The following BRAF variants were observed in gnomAD, a reference collection of about 807,000 sequenced individuals.
The protein encoded by BRAF is B-Raf proto-oncogene, serine/threonine kinase, also known as serine/threonine-protein kinase B-raf.
In BRAF, 16 loss-of-function variants were observed where a neutral mutation model predicts 104.6. The ratio of observed to expected loss-of-function variants is 0.15; its 90% CI spans 0.10 to 0.23. The LOEUF is 0.23. Ranked by LOEUF, BRAF falls within the 10% of genes least tolerant of loss-of-function variation. The probability of loss-of-function intolerance (pLI) is 1.00; values close to 1 mark genes in which losing one functional copy is unlikely to be tolerated. For missense variants in BRAF, 541 were observed against 937.3 expected (o/e 0.58, Z 5.52); for synonymous variants, 310 against 341.6 (o/e 0.91, Z 1.02).
chr7:140,753,909 T>C (rs536652477), intron 15 of BRAF: 1 of 493,262 alleles, frequency 2.0e-6, no homozygotes, highest in South Asian at 2.2e-5. Flanking sequence ...TACAAAACTA[T>C]CAGTTTTATA....
At chr7:140,787,161 C>T (rs369113948) in intron 9 of BRAF, among the ~76,000 whole-genome samples, 3 of 151,712 alleles carry the variant, frequency 2.0e-5, no homozygotes, top group African/African-American at 4.8e-5. Context: ...ATTAGCCGGG[C>T]GTGGTAGCAG....
intron 1 of BRAF, among the ~76,000 whole-genome samples, chr7:140,863,629 T>A (rs999592018): frequency 6.6e-6 from 1 of 152,200 alleles, no homozygotes; most frequent in East Asian, 1.9e-4. Context: ...GGTGACTAGA[T>A]CATGGGGGTG....
chr7:140,904,766 G>A (rs962822052), intron 1 of BRAF, among the ~76,000 whole-genome samples: 8 of 151,898 alleles, frequency 5.3e-5, no homozygotes, highest in African/African-American at 1.2e-4. Context: ...GCACCACCAC[G>A]CCCAGCTAAT....
At chr7:140,788,563 C>G (rs902367343) in intron 8 of BRAF, among the ~76,000 whole-genome samples, 2 of 151,980 alleles carry the variant, frequency 1.3e-5, no homozygotes, top group Non-Finnish European at 2.9e-5. Flanking sequence ...AGGAAAGAAA[C>G]AAAGTGGCTC....
At chr7:140,918,709 C>T (rs146330177) in intron 1 of BRAF, among the ~76,000 whole-genome samples, 2 of 152,356 alleles carry the variant, frequency 1.3e-5, no homozygotes, top group East Asian at 1.9e-4. Context: ...CAGATCACCT[C>T]ATATCCAGTA....
chr7:140,881,510 C>G (rs1460493363), intron 1 of BRAF, among the ~76,000 whole-genome samples: 1 of 152,200 alleles, frequency 6.6e-6, no homozygotes, highest in Non-Finnish European at 1.5e-5. Context: ...CCACCTTGGC[C>G]TCTTAAAAGT....
chr7:140,738,206 A>T (rs1009529987), intron 18 of BRAF, among the ~76,000 whole-genome samples: 1 of 152,232 alleles, frequency 6.6e-6, no homozygotes, highest in South Asian at 2.1e-4. Flanking sequence ...AATGAAACTT[A>T]TATCTACCCA....
chr7:140,805,300 T>C (rs1267648), intron 5 of BRAF, among the ~76,000 whole-genome samples: 45,800 of 152,050 alleles, frequency 0.3, 10,982 homozygotes, highest in African/African-American at 0.67. Context: ...CAGGTAAATG[T>C]CTATTTCTAA....
chr7:140,915,993 C>CA (rs199989893), intron 1 of BRAF, among the ~76,000 whole-genome samples: 148 of 146,214 alleles, frequency 1.0e-3, no homozygotes, highest in African/African-American at 3.1e-3. Context: ...AACAAACAAA[C>CA]AAACAAAAAA....
In BRAF at chr7:140,719,405, CT is replaced by C; in HGVS notation, c.*7088del. On this transcript the variant is annotated 3_prime_UTR_variant, in exon 20 of 20. Transcript: ENST00000644969. ...ATCAAGTACATAGAACTTTTTTTGC[CT>C]TTTATATAATACAGTTTTTAAATAA... 1 of 1,008,722 alleles carries C rather than the reference CT, an allele frequency of 9.9e-7. No homozygotes were observed. The highest frequency in any genetic ancestry group is 1.2e-6 in the Non-Finnish European group (1 of 837,724). 62.5% of individuals were successfully genotyped at this position (1,008,722 alleles called of 1,614,324 possible).
intron 1 of BRAF, among the ~76,000 whole-genome samples, chr7:140,874,118 C>T (rs978559826): frequency 1.3e-5 from 2 of 151,782 alleles, no homozygotes; most frequent in African/African-American, 4.8e-5. Context: ...ATCGACAACA[C>T]TGGAAGTAAA....
At position 140,829,081 on chromosome 7, in the gene BRAF, T is replaced by C. The variant is rs1305787989; in HGVS notation, c.504+5528A>G. ...TTTTCTGCTGGGTTTTGTCTTTTTC[T>C]TGCCAATTTTGAAGTGTTCTTTGTA... On this transcript the variant is annotated intron_variant, in intron 3 of 19. Transcript: ENST00000644969. 7.2e-5 allele frequency among the ~76,000 whole-genome samples: 11 copies of C among 152,290 alleles called. No homozygotes were observed. In the East Asian group the frequency reaches 7.7e-4, roughly 11 times the overall value.
chr7:140,871,479 C>T (rs1156573104), intron 1 of BRAF, among the ~76,000 whole-genome samples: 2 of 152,062 alleles, frequency 1.3e-5, no homozygotes, highest in Non-Finnish European at 2.9e-5. Flanking sequence ...CTTAGTAGAA[C>T]TAGAAATTAA....
chr7:140,742,891 C>A lies in BRAF; in HGVS notation c.2113-2945G>T, dbSNP rs1174980741. ...AAATTTACAAGAAAAAAACAAACAA[C>A]CCCATCAAAAAGTGGGCAAAGGACA... On this transcript the variant is annotated intron_variant, in intron 17 of 19. Coordinates refer to ENST00000644969, the MANE Select transcript of BRAF (RefSeq NM_001374258.1). Among the ~76,000 whole-genome samples the A allele has an allele frequency of 4.6e-5, 7 of 151,620 alleles. No individual in the cohort carries two copies. The South Asian group carries it at 1.1e-3, about 23-fold the overall frequency.
chr7:140,809,054 T>A, intron 3 of BRAF, 59 bp from the exon 4 acceptor site: 2 of 1,395,170 alleles, frequency 1.4e-6, no homozygotes, highest in Non-Finnish European at 2.0e-6. Context: ...TTTTTTCATA[T>A]CATTAAAAAA....
chr7:140,788,732 G>A (rs953782351), intron 8 of BRAF, among the ~76,000 whole-genome samples: 26 of 152,144 alleles, frequency 1.7e-4, no homozygotes, highest in African/African-American at 6.3e-4. Flanking sequence ...GGGACTACAA[G>A]CACGCACCAC....
In BRAF at chr7:140,915,936, C is replaced by T. The variant is rs1385390985; in HGVS notation, c.138+8630G>A. 3.3e-5 allele frequency among the ~76,000 whole-genome samples: 5 copies of T among 151,878 alleles called. No individual in the cohort carries two copies. In the South Asian group the frequency reaches 1.0e-3, roughly 32 times the overall value. ...CACTCTGGGAAGGACTGCTTGAGCC[C>T]AGGATTTCGAGACTAGCCTGAGCAA... is the stretch of plus-strand genomic sequence containing the variant. On this transcript the variant is annotated intron_variant, in intron 1 of 19. Coordinates refer to ENST00000644969, the MANE Select transcript of BRAF (RefSeq NM_001374258.1).
intron 16 of BRAF, among the ~76,000 whole-genome samples, chr7:140,752,322 A>G (rs1797857572): frequency 6.6e-6 from 1 of 152,184 alleles, no homozygotes; most frequent in African/African-American, 2.4e-5. Flanking sequence ...TCCAGCCACC[A>G]TGAGTGGCCT....
chr7:140,824,652 G>GA (rs113849057), intron 3 of BRAF, among the ~76,000 whole-genome samples: 231 of 127,448 alleles, frequency 1.8e-3, no homozygotes, highest in African/African-American at 3.9e-3. Flanking sequence ...TATTTCTGAG[G>GA]AAAAAAAAAA....
Sources: gnomAD v4.1 joint callset for allele counts (sites outside exome capture counted in the v4.1 genomes callset) on GRCh38, gnomAD v4.1.1 for gene constraint, MANE v1.5 for transcripts, NCBI Gene and HGNC (gene_info 2026-07-23, HGNC 2026-07-21) for gene names.